The following UBAC2 variants were observed in gnomAD, a reference collection of about 807,000 sequenced individuals.
UBAC2 encodes the protein UBA domain containing 2.
UBAC2 carries 26 observed loss-of-function variants against 44.0 expected under a neutral mutation model. That is an observed-to-expected ratio of 0.59 (90% CI 0.43 to 0.82). The LOEUF (loss-of-function observed/expected upper bound fraction) is 0.82. UBAC2 is among the 40% of genes least tolerant of loss of function. The pLI, the probability that UBAC2 is intolerant of heterozygous loss-of-function variation, is 0.00. For synonymous variants in UBAC2, 155 were observed against 154.3 expected, an observed-to-expected ratio of 1.00 and a Z score of -0.04; for missense variants, 329 against 419.4, an observed-to-expected ratio of 0.78 and a Z score of 1.88.
At chr13:99,356,172 A>C (rs756182912) in intron 7 of UBAC2, 2 of 534,754 alleles carry the variant, frequency 3.7e-6, no homozygotes, top group Non-Finnish European at 7.7e-6. Context: ...GTTGGGTTGC[A>C]TCCTAAGCTG....
At chr13:99,247,669 G>T (rs1413887948) in intron 4 of UBAC2, among the ~76,000 whole-genome samples, 1 of 152,102 alleles carries the variant, frequency 6.6e-6, no homozygotes, top group Non-Finnish European at 1.5e-5. Context: ...GGGTCGATAC[G>T]TGCAGCAAAC....
At chr13:99,270,158 T>C (rs1279008221) in intron 4 of UBAC2, among the ~76,000 whole-genome samples, 2 of 152,192 alleles carry the variant, frequency 1.3e-5, no homozygotes, top group African/African-American at 2.4e-5. Context: ...CTCAGCACAG[T>C]TCCAAATTTT....
chr13:99,216,570 G>T (rs941530973), intron 1 of UBAC2, among the ~76,000 whole-genome samples: 1 of 152,218 alleles, frequency 6.6e-6, no homozygotes, highest in Non-Finnish European at 1.5e-5. Flanking sequence ...TGGTGCTGTA[G>T]TGGTAATGCC....
chr13:99,346,241 C>T (rs551358747), intron 7 of UBAC2, among the ~76,000 whole-genome samples: 1 of 152,158 alleles, frequency 6.6e-6, no homozygotes, highest in South Asian at 2.1e-4. Context: ...CATTCATCTC[C>T]AGTGCTGTAG....
chr13:99,223,542 G>GTTTTTTTTTTTT (rs145143990), intron 1 of UBAC2, among the ~76,000 whole-genome samples: 1 of 62,446 alleles, frequency 1.6e-5, no homozygotes, highest in Non-Finnish European at 2.8e-5. Flanking sequence ...CTCTTTTTCT[G>GTTTTTTTTTTTT]TTTTTTTTTT....
At position 99,215,661 on chromosome 13, in the gene UBAC2, A is replaced by G. The variant is rs2042984175; in HGVS notation, c.31+14722A>G. ...CGTCCTAGATTTCAGGTGTTGATGA[A>G]TACAGCCCTCTGGGAACTGCAAGCC... On this transcript the variant is annotated intron_variant, in intron 1 of 8. Transcript: ENST00000403766. The G allele has an allele frequency of 1.1e-5, 16 of 1,440,280 alleles. No individual in the cohort carries two copies. In the South Asian group the frequency reaches 1.5e-4, roughly 14 times the overall value. The allele number at this position is 1,440,280 out of a possible 1,614,324, so 89.2% of individuals were successfully genotyped here.
Position 99,318,074 on chromosome 13 carries a change from G to A in UBAC2, c.561+5G>A. ...ATTGTAGCCATAAGTGGACTTGTAA[G>A]TGTGACTACCCTTTTACACCCAATT... is the stretch of plus-strand genomic sequence containing the variant. On this transcript the variant is annotated splice_donor_5th_base_variant and intron_variant, in intron 6 of 8. Coordinates refer to ENST00000403766, the MANE Select transcript of UBAC2 (RefSeq NM_001144072.2). The A allele has an allele frequency of 6.2e-7, 1 of 1,611,020 alleles. No homozygotes were observed. Among genetic ancestry groups the A allele is most frequent in the Non-Finnish European group, 8.5e-7 (1 of 1,178,290 alleles).
chr13:99,203,023 T>TTCTATTTA (rs1555317919), intron 1 of UBAC2, among the ~76,000 whole-genome samples: 1 of 146,422 alleles, frequency 6.8e-6, no homozygotes, highest in Non-Finnish European at 1.5e-5. Context: ...CTTTGTTTTA[T>TTCTATTTA]TTTATTTATT....
chr13:99,325,306 T>C (rs1211085650), intron 6 of UBAC2, among the ~76,000 whole-genome samples: 1 of 152,026 alleles, frequency 6.6e-6, no homozygotes, highest in Non-Finnish European at 1.5e-5. Context: ...GGTTTCACCG[T>C]GTTAGGCAGG....
chr13:99,238,519 G>A lies in UBAC2; in HGVS notation c.124G>A (p.Val42Met), dbSNP rs2043265442. 1 of 1,613,218 alleles carries A rather than the reference G, an allele frequency of 6.2e-7. No homozygotes were observed. Among genetic ancestry groups the A allele is most frequent in the Admixed American group, 1.7e-5 (1 of 59,974 alleles). Residue 42 changes from valine to methionine, a missense_variant, in exon 2 of 9, where the codon GTG becomes ATG. Val to Met is a conservative substitution (Grantham distance 21, BLOSUM62 1). Transcript: ENST00000403766. ...CCTGCCTCACTGCCAGAAGCTCTTTGTGTATGACCTTCACGCAGTCAAGAA... is the reference window on the plus strand; with the variant it reads ...CCTGCCTCACTGCCAGAAGCTCTTTATGTATGACCTTCACGCAGTCAAGAA... ...LLLPHCQKLFVYDLHAVKNDF... is the reference protein window; with the variant it reads ...LLLPHCQKLFMYDLHAVKNDF...
intron 4 of UBAC2, among the ~76,000 whole-genome samples, chr13:99,305,528 C>G (rs1390747743): frequency 6.6e-6 from 1 of 152,084 alleles, no homozygotes; most frequent in Non-Finnish European, 1.5e-5. Context: ...ACATTTTATC[C>G]TATAGAATGC....
chr13:99,279,216 G>A (rs1241533214), intron 4 of UBAC2, among the ~76,000 whole-genome samples: 1 of 151,748 alleles, frequency 6.6e-6, no homozygotes, highest in African/African-American at 2.4e-5. Flanking sequence ...AGTACCTACT[G>A]GTTTGGTTAG....
At chr13:99,290,231 G>A (rs2044071483) in intron 4 of UBAC2, among the ~76,000 whole-genome samples, 1 of 152,162 alleles carries the variant, frequency 6.6e-6, no homozygotes, top group Non-Finnish European at 1.5e-5. Flanking sequence ...ATTTGAATGA[G>A]CACTTTATAT....
chr13:99,217,083 G>A (rs753808729), intron 1 of UBAC2, among the ~76,000 whole-genome samples: 3 of 152,004 alleles, frequency 2.0e-5, no homozygotes, highest in South Asian at 2.1e-4. Flanking sequence ...TGCCTGCCTC[G>A]GCCTCCCAAA....
At position 99,340,523 on chromosome 13, in the gene UBAC2, G is replaced by A. The variant is rs1267924266; in HGVS notation, c.765G>A (p.Met255Ile). ...TGGAGCTGCTGGACCGGCAGCTGAT[G>A]TTCTCTCAGTTTGCACAAGGGAGGC... The part of the protein sequence containing the change: ...QRMELLDRQL[M>I]FSQFAQGRRQ... Residue 255 changes from methionine (M) to isoleucine (I), a missense_variant, in exon 7 of 9, where the codon ATG becomes ATA. By Grantham distance (10) the Met-to-Ile change is conservative (BLOSUM62 1). Transcript: ENST00000403766. 6.2e-7 allele frequency: 1 copy of A among 1,614,062 alleles called. No homozygotes were observed.
chr13:99,241,570 G>A (rs1390857582), intron 2 of UBAC2, among the ~76,000 whole-genome samples: 2 of 152,142 alleles, frequency 1.3e-5, no homozygotes, highest in Non-Finnish European at 2.9e-5. Context: ...GTAGAATAGT[G>A]TTTCCTGGGG....
intron 2 of UBAC2, among the ~76,000 whole-genome samples, chr13:99,240,709 CCTTG>C (rs1032637953): frequency 2.7e-4 from 41 of 152,244 alleles, no homozygotes; most frequent in African/African-American, 9.1e-4. Flanking sequence ...TACTGTTTCT[CCTTG>C]AGCCCAGCTA....
intron 1 of UBAC2, among the ~76,000 whole-genome samples, chr13:99,229,056 C>G (rs1400394754): frequency 6.6e-6 from 1 of 152,184 alleles, no homozygotes; most frequent in Non-Finnish European, 1.5e-5. Flanking sequence ...TGTTAATGAT[C>G]TGGACGTTTC....
At chr13:99,268,308 T>A (rs1244688471) in intron 4 of UBAC2, among the ~76,000 whole-genome samples, 1 of 151,932 alleles carries the variant, frequency 6.6e-6, no homozygotes, top group African/African-American at 2.4e-5. Flanking sequence ...GGCTTTATAG[T>A]CAAAATATGA....
Sources: allele counts gnomAD v4.1 joint callset (sites outside exome capture counted in the v4.1 genomes callset), GRCh38; gene constraint gnomAD v4.1.1; transcripts MANE v1.5; gene names NCBI Gene and HGNC (gene_info 2026-07-23, HGNC 2026-07-21).